Variants in SLC24A2 observed in about 807,000 individuals in gnomAD.
SLC24A2 encodes the protein sodium/potassium/calcium exchanger 2.
In SLC24A2, 36 loss-of-function variants were observed where a neutral mutation model predicts 62.0. That is an observed-to-expected ratio of 0.58 (90% CI 0.44 to 0.77). The LOEUF is 0.77. Among genes scored for constraint, SLC24A2 ranks in the 30% least tolerant of loss-of-function variants. The pLI is 0.00. For missense variants in SLC24A2, 846 were observed against 817.9 expected, an observed-to-expected ratio of 1.03 and a Z score of -0.42; for synonymous variants, 358 against 294.0, an observed-to-expected ratio of 1.22 and a Z score of -2.23.
At chr9:19,555,379 G>T (rs16937601) in intron 7 of SLC24A2, among the ~76,000 whole-genome samples, 8,654 of 152,138 alleles carry the variant, frequency 0.057, 808 homozygotes, top group African/African-American at 0.2. Flanking sequence ...GATTCTTTCT[G>T]TGTTTTGTTC....
chr9:20,040,496 G>C, the SLC24A2 span, among the ~76,000 whole-genome samples: 1 of 152,164 alleles, frequency 6.6e-6, no homozygotes, highest in Admixed American at 6.5e-5. Flanking sequence ...GGGTCTTGCT[G>C]GCTCTATCCC....
At position 19,786,070 on chromosome 9, in the gene SLC24A2, C is replaced by T. The variant is rs770636357; in HGVS notation, c.797G>A (p.Ser266Asn). Residue 266 changes from serine (S) to asparagine (N), a missense_variant, in exon 2 of 11, where the codon AGC becomes AAC. Ser to Asn is a conservative substitution (Grantham distance 46, BLOSUM62 1). Transcript: ENST00000341998. This position sits in a 1 kb window ranked among gnomAD's most constrained non-coding sequence, Gnocchi z 5.0. ...FLDNVIMWWE[S>N]LLLLTAYFCY... ...AAAATAAGCTGTTAAGAGAAGCAAG[C>T]TTTCCCACCACATGATGACATTATC... 1.9e-6 allele frequency: 3 copies of T among 1,614,074 alleles called. No homozygotes were observed. The Admixed American group carries it at 5.0e-5, about 27-fold the overall frequency.
At chr9:19,565,442 A>ACC (rs1835608617) in intron 7 of SLC24A2, among the ~76,000 whole-genome samples, 1 of 150,972 alleles carries the variant, frequency 6.6e-6, no homozygotes, top group Non-Finnish European at 1.5e-5. Context: ...AGAACTACAA[A>ACC]CCACTGCTCA....
intron 2 of SLC24A2, among the ~76,000 whole-genome samples, chr9:19,672,347 C>G (rs1280556886): frequency 6.8e-6 from 1 of 146,252 alleles, no homozygotes; most frequent in African/African-American, 2.7e-5. Context: ...TTCCTAGTAG[C>G]CTTGAATAAT....
At chr9:19,523,778 A>G (rs749469348) in intron 9 of SLC24A2, among the ~76,000 whole-genome samples, 2 of 152,166 alleles carry the variant, frequency 1.3e-5, no homozygotes, top group Non-Finnish European at 2.9e-5. Context: ...ACCAGATTTT[A>G]TAACTCAGAC....
At chr9:19,535,168 G>C (rs555985360) in intron 8 of SLC24A2, among the ~76,000 whole-genome samples, 1 of 152,170 alleles carries the variant, frequency 6.6e-6, no homozygotes, top group East Asian at 1.9e-4. Flanking sequence ...TTTGAGAAGT[G>C]TGTCTGTTCA....
chr9:19,897,212 C>T, the SLC24A2 span, among the ~76,000 whole-genome samples: 1 of 152,264 alleles, frequency 6.6e-6, no homozygotes, highest in East Asian at 1.9e-4. Context: ...CTCTTATCTA[C>T]CTTTTTGCTT....
the SLC24A2 span, among the ~76,000 whole-genome samples, chr9:19,863,473 A>T: frequency 6.6e-6 from 1 of 152,166 alleles, no homozygotes; most frequent in East Asian, 1.9e-4. Flanking sequence ...TAGGTCACAA[A>T]TCAAGTCTCA....
the SLC24A2 span, among the ~76,000 whole-genome samples, chr9:20,295,053 TACACACACAC>T: frequency 6.9e-6 from 1 of 144,426 alleles, no homozygotes; most frequent in African/African-American, 2.6e-5. Flanking sequence ...TATATATATA[TACACACACAC>T]ATACACACAC....
At chr9:19,868,664 T>C in the SLC24A2 span, among the ~76,000 whole-genome samples, 2 of 152,206 alleles carry the variant, frequency 1.3e-5, no homozygotes, top group Non-Finnish European at 2.9e-5. Flanking sequence ...GTCGTGTATA[T>C]ATTTATAATT....
the SLC24A2 span, among the ~76,000 whole-genome samples, chr9:20,131,907 T>A: frequency 6.6e-6 from 1 of 152,178 alleles, no homozygotes; most frequent in Non-Finnish European, 1.5e-5. Context: ...GGTGCATAAT[T>A]GTGACTGTGC....
chr9:19,681,795 T>G (rs542789581), intron 2 of SLC24A2, among the ~76,000 whole-genome samples: 1 of 152,310 alleles, frequency 6.6e-6, no homozygotes, highest in Admixed American at 6.5e-5. Flanking sequence ...ACATGAGCAT[T>G]TCAGAGACAT....
the SLC24A2 span, among the ~76,000 whole-genome samples, chr9:19,814,257 C>T: frequency 6.6e-6 from 1 of 151,962 alleles, no homozygotes; most frequent in Non-Finnish European, 1.5e-5. Flanking sequence ...AAGATTCTGT[C>T]CTCAGGAAAG....
chr9:20,247,218 T>A, the SLC24A2 span, among the ~76,000 whole-genome samples: 1 of 152,148 alleles, frequency 6.6e-6, no homozygotes, highest in African/African-American at 2.4e-5. Context: ...TTTCCTGACA[T>A]CTCCACCCAC....
At chr9:19,703,121 C>T (rs62564205) in intron 2 of SLC24A2, among the ~76,000 whole-genome samples, 3,453 of 152,092 alleles carry the variant, frequency 0.023, 69 homozygotes, top group Non-Finnish European at 0.038. Flanking sequence ...GAGAGATACT[C>T]GCATATCTTA....
chr9:19,543,236 C>T (rs1003350196), intron 8 of SLC24A2, among the ~76,000 whole-genome samples: 8 of 152,194 alleles, frequency 5.3e-5, no homozygotes, highest in African/African-American at 1.7e-4. Flanking sequence ...ATAGTATTCT[C>T]TGATGGTAGT....
chr9:19,848,774 G>A, the SLC24A2 span, among the ~76,000 whole-genome samples: 1 of 152,128 alleles, frequency 6.6e-6, no homozygotes, highest in African/African-American at 2.4e-5. Context: ...TATTTAAATG[G>A]TTTCACACTT....
At chr9:19,559,185 A>C (rs914481328) in intron 7 of SLC24A2, among the ~76,000 whole-genome samples, 2 of 152,188 alleles carry the variant, frequency 1.3e-5, no homozygotes, top group Non-Finnish European at 2.9e-5. Context: ...CTTCAAAGAC[A>C]TGTAGGAGAA....
the SLC24A2 span, among the ~76,000 whole-genome samples, chr9:19,891,652 G>A: frequency 0.085 from 12,868 of 152,142 alleles, 662 homozygotes; most frequent in East Asian, 0.25. Flanking sequence ...AGACTGAGGT[G>A]GGAAGATCGC....
Sources: gnomAD v4.1 joint callset for allele counts (sites outside exome capture counted in the v4.1 genomes callset) on GRCh38, gnomAD v4.1.1 for gene constraint, Gnocchi (gnomAD v3.1) non-coding constraint, MANE v1.5 for transcripts, NCBI Gene and HGNC (gene_info 2026-07-23, HGNC 2026-07-21) for gene names.